COL24A1: variants seen among roughly 807,000 people sequenced by gnomAD.
COL24A1 encodes collagen alpha-1(XXIV) chain.
A neutral mutation model predicts 253.9 loss-of-function variants in COL24A1; 224 were observed. The observed-to-expected ratio is 0.88, with a 90% CI of 0.79 to 0.99. COL24A1 has a LOEUF of 0.99. Ranked by LOEUF, COL24A1 falls within the 50% of genes least tolerant of loss-of-function variation. The pLI is 0.00. For missense variants in COL24A1, 2,131 were observed against 2,068.5 expected (o/e 1.03, Z -0.59); for synonymous variants, 685 against 673.7 (o/e 1.02, Z -0.26).
At chr1:86,060,430 T>G (rs1421576437) in intron 8 of COL24A1, among the ~76,000 whole-genome samples, 1 of 152,170 alleles carries the variant, frequency 6.6e-6, no homozygotes, top group African/African-American at 2.4e-5. Flanking sequence ...CCTTCTGCTC[T>G]GAAGTAGATA....
chr1:86,115,606 A>G (rs1706065442), intron 3 of COL24A1, among the ~76,000 whole-genome samples: 1 of 152,232 alleles, frequency 6.6e-6, no homozygotes, highest in Non-Finnish European at 1.5e-5. Flanking sequence ...TCTATGACTT[A>G]TGGTTACAGC....
intron 7 of COL24A1, among the ~76,000 whole-genome samples, chr1:86,066,333 G>A (rs908294241): frequency 6.7e-6 from 1 of 149,530 alleles, no homozygotes; most frequent in Non-Finnish European, 1.5e-5. Flanking sequence ...CCGCCTCCCG[G>A]GTTCGCGCCA....
intron 16 of COL24A1, 43 bp from the exon 17 acceptor site, chr1:86,022,634 ACATGG>A: frequency 6.4e-7 from 1 of 1,561,558 alleles, no homozygotes; most frequent in Non-Finnish European, 8.7e-7. Flanking sequence ...TGTATCACAA[ACATGG>A]CAATATTATA....
intron 5 of COL24A1, among the ~76,000 whole-genome samples, chr1:86,093,971 T>C (rs1408934202): frequency 6.6e-6 from 1 of 152,122 alleles, no homozygotes; most frequent in Non-Finnish European, 1.5e-5. Context: ...ATGGCTATTT[T>C]GAAAAAGTCA....
At chr1:85,912,504 C>T (rs1685471828) in intron 24 of COL24A1, among the ~76,000 whole-genome samples, 1 of 152,164 alleles carries the variant, frequency 6.6e-6, no homozygotes. Context: ...CGATAGTATA[C>T]ATTAGCATAC....
intron 37 of COL24A1, among the ~76,000 whole-genome samples, chr1:85,860,851 G>A (rs383588): frequency 0.41 from 62,229 of 152,124 alleles, 13,171 homozygotes; most frequent in East Asian, 0.57. Flanking sequence ...CCATGTACTC[G>A]TACACCATTC....
In COL24A1 at chr1:85,830,502, C is replaced by G. The variant is rs925157827; in HGVS notation, c.3682-6764G>C. On this transcript the variant is annotated intron_variant, in intron 43 of 59. Transcript: ENST00000370571. Reference sequence around the variant, plus strand: ...TTACCTAAGTGAGCCTGGGCAATGGCGGGTGCCCCTCCCCCAGCCTGGCTG... The same window carrying G: ...TTACCTAAGTGAGCCTGGGCAATGGGGGGTGCCCCTCCCCCAGCCTGGCTG... Among the ~76,000 whole-genome samples, 2 of 152,152 alleles carry G rather than the reference C, an allele frequency of 1.3e-5. 1 individual carries two copies. The highest frequency in any genetic ancestry group is 2.9e-5 in the Non-Finnish European group (2 of 68,016).
intron 12 of COL24A1, among the ~76,000 whole-genome samples, chr1:86,035,195 A>G (rs1287503882): frequency 1.3e-5 from 2 of 152,174 alleles, no homozygotes; most frequent in Non-Finnish European, 2.9e-5. Flanking sequence ...AGTCAAATAT[A>G]TTGTAGCCAT....
At chr1:86,076,693 T>A (rs1475157848) in intron 7 of COL24A1, among the ~76,000 whole-genome samples, 1 of 151,552 alleles carries the variant, frequency 6.6e-6, no homozygotes, top group African/African-American at 2.4e-5. Flanking sequence ...ACACCATACA[T>A]CTACAACCAG....
chr1:86,133,310 G>T (rs1446339431), intron 2 of COL24A1, among the ~76,000 whole-genome samples: 3 of 152,088 alleles, frequency 2.0e-5, no homozygotes, highest in Non-Finnish European at 4.4e-5. Context: ...GGGACAATTT[G>T]ACTTCCTCTT....
Position 86,125,821 on chromosome 1 carries a change from T to A in COL24A1, c.515A>T (p.Asn172Ile). The change falls in exon 3 of 60, where the codon AAC (asparagine) becomes ATC (isoleucine). Residue 172 changes from asparagine to isoleucine, a missense_variant. Coordinates refer to ENST00000370571, the MANE Select transcript of COL24A1 (RefSeq NM_152890.7). Reference protein sequence around the residue: ...QWHSFAITIRNQSVSMFVECG... With the variant: ...QWHSFAITIRIQSVSMFVECG... ...CTCAACAAACATTGAGACACTTTGG[T>A]TTCTAATAGTAATGGCAAATGAGTG... 1 of 1,613,312 alleles carries A rather than the reference T, an allele frequency of 6.2e-7. No individual in the cohort carries two copies. Among genetic ancestry groups the A allele is most frequent in the Non-Finnish European group, 8.5e-7 (1 of 1,179,724 alleles).
intron 2 of COL24A1, among the ~76,000 whole-genome samples, chr1:86,143,373 A>C (rs1340976673): frequency 6.6e-6 from 1 of 152,186 alleles, no homozygotes; most frequent in Non-Finnish European, 1.5e-5. Flanking sequence ...ATATTTCAAA[A>C]TATCTGAGAT....
chr1:85,856,748 C>T (rs1678480086), intron 37 of COL24A1, among the ~76,000 whole-genome samples: 1 of 152,066 alleles, frequency 6.6e-6, no homozygotes, highest in Admixed American at 6.6e-5. Flanking sequence ...TCTTTCTTGC[C>T]TCTTTGAATA....
intron 20 of COL24A1, among the ~76,000 whole-genome samples, chr1:85,973,377 G>A (rs1692361984): frequency 6.6e-6 from 1 of 152,058 alleles, no homozygotes; most frequent in Non-Finnish European, 1.5e-5. Flanking sequence ...ATTACATTAA[G>A]AGTTGTAACA....
intron 51 of COL24A1, among the ~76,000 whole-genome samples, chr1:85,782,782 A>G (rs918667890): frequency 2.0e-5 from 3 of 152,176 alleles, no homozygotes; most frequent in African/African-American, 7.2e-5. Context: ...TTAGTCATAG[A>G]GATGCTACTA....
Position 85,783,545 on chromosome 1 carries a change from T to A in COL24A1, c.4235A>T (p.Asp1412Val), listed in dbSNP as rs146909372. 4.8e-5 allele frequency: 78 copies of A among 1,613,262 alleles called. No individual in the cohort carries two copies. Among genetic ancestry groups the A allele is most frequent in the Non-Finnish European group, 6.3e-5 (74 of 1,179,462 alleles). Reference protein sequence around the residue: ...GFPGPKGPEGDAGIVGISGPK... With the variant: ...GFPGPKGPEGVAGIVGISGPK... The stretch of plus-strand genomic sequence containing the variant: ...ACCTGATATCCCAACAATGCCAGCA[T>A]CCCCTTCAGGACCCTAGACATACAA... The change falls in exon 51 of 60, where the codon GAT (aspartate) becomes GTT (valine). Residue 1412 changes from aspartate (D) to valine (V), a missense_variant. Coordinates refer to ENST00000370571, the MANE Select transcript of COL24A1 (RefSeq NM_152890.7).
intron 55 of COL24A1, among the ~76,000 whole-genome samples, chr1:85,758,378 G>A (rs374601785): frequency 1.3e-5 from 2 of 152,058 alleles, no homozygotes; most frequent in Admixed American, 6.6e-5. Context: ...GATTTTTAAC[G>A]ATTGTTATTT....
intron 43 of COL24A1, among the ~76,000 whole-genome samples, chr1:85,831,111 T>C (rs948668226): frequency 1.5e-4 from 23 of 152,074 alleles, no homozygotes; most frequent in African/African-American, 5.3e-4. Context: ...AGCTTCTATA[T>C]AGCCCATGAC....
intron 2 of COL24A1, among the ~76,000 whole-genome samples, chr1:86,139,923 G>C (rs946546796): frequency 6.6e-6 from 1 of 152,078 alleles, no homozygotes; most frequent in African/African-American, 2.4e-5. Flanking sequence ...CAGCTAAATA[G>C]TCAATATCAG....
Sources: allele counts gnomAD v4.1 joint callset (sites outside exome capture counted in the v4.1 genomes callset), GRCh38; gene constraint gnomAD v4.1.1; transcripts MANE v1.5; gene names NCBI Gene and HGNC (gene_info 2026-07-23, HGNC 2026-07-21).